MMEL1: variants seen among roughly 807,000 people sequenced by gnomAD.
MMEL1 encodes the protein membrane metallo-endopeptidase-like 1.
Under a neutral mutation model 117.1 loss-of-function variants are expected in MMEL1, and 98 were observed. The observed-to-expected ratio is 0.84, with a 90% CI of 0.71 to 0.99. The LOEUF (loss-of-function observed/expected upper bound fraction) is 0.99, where lower values mean the gene tolerates loss of function less well. Ranked by LOEUF, MMEL1 falls within the 50% of genes least tolerant of loss-of-function variation. MMEL1 has a pLI of 0.00. For synonymous variants in MMEL1, 390 were observed against 415.1 expected (o/e 0.94, Z 0.74); for missense variants, 1,014 against 1,049.1 (o/e 0.97, Z 0.46).
At position 2,604,240 on chromosome 1, in the gene MMEL1, C is replaced by A; in HGVS notation, c.858G>T (p.Thr286=). The A allele has an allele frequency of 6.2e-7, 1 of 1,612,856 alleles. No individual in the cohort carries two copies. Among genetic ancestry groups the A allele is most frequent in the South Asian group, 1.1e-5 (1 of 91,088 alleles). Residue 286 remains threonine, a synonymous_variant, in exon 10 of 24, where the codon ACG becomes ACT. Coordinates refer to ENST00000378412, the MANE Select transcript of MMEL1 (RefSeq NM_033467.4). ...GCAGGTTTGCATCCTCCCGCAGCAACGTGGCCACTGACACCATGAACTGCA... is the reference window on the plus strand; with the variant it reads ...GCAGGTTTGCATCCTCCCGCAGCAAAGTGGCCACTGACACCATGAACTGCA... ...AYLQFMVSVA[T]LLREDANLPR... is the part of the protein sequence containing the mutation.
rs757847101 is a variant in MMEL1 at position 2,595,251 on chromosome 1, T to C, written c.1584+25A>G. ...CCCATGTCCACGGTGTGGGGGGCAG[T>C]TTAGGGCTGGGGTTGGGGGCGCACA... On this transcript the variant is annotated intron_variant, in intron 16 of 23. Transcript: ENST00000378412. The surrounding 1 kb of genome is among the most constrained non-coding windows in gnomAD (Gnocchi z 4.8). 1 of 1,605,188 alleles carries C rather than the reference T, an allele frequency of 6.2e-7. No individual in the cohort carries two copies. Among genetic ancestry groups the C allele is most frequent in the East Asian group, 2.2e-5 (1 of 44,820 alleles).
chr1:2,597,533 C>T (rs1644861966), intron 13 of MMEL1, among the ~76,000 whole-genome samples: 2 of 152,130 alleles, frequency 1.3e-5, no homozygotes, highest in Admixed American at 6.5e-5. Flanking sequence ...CTGCCAGCAC[C>T]ATGGCCAAGC....
intron 23 of MMEL1, 100 bp downstream of exon 23, chr1:2,591,457 T>C: frequency 2.0e-6 from 2 of 976,748 alleles, no homozygotes; most frequent in Non-Finnish European, 3.3e-6. Flanking sequence ...TAAACCTGTC[T>C]CTGTTGAGCC....
intron 13 of MMEL1, among the ~76,000 whole-genome samples, chr1:2,597,679 G>A (rs1644864699): frequency 6.6e-6 from 1 of 152,104 alleles, no homozygotes; most frequent in African/African-American, 2.4e-5. Context: ...CCCAGCCCTG[G>A]AGCAGCCACA....
intron 9 of MMEL1, 59 bp downstream of exon 9, chr1:2,605,499 G>A: frequency 2.0e-6 from 3 of 1,497,096 alleles, no homozygotes; most frequent in Non-Finnish European, 2.8e-6. Context: ...GGGAAGGCCA[G>A]ACCACGGGGT....
intron 6 of MMEL1, among the ~76,000 whole-genome samples, chr1:2,607,783 G>A (rs1645053817): frequency 6.6e-6 from 1 of 152,052 alleles, no homozygotes; most frequent in South Asian, 2.1e-4. Context: ...GGAGGCTGTG[G>A]CGGGCTCACT....
intron 11 of MMEL1, among the ~76,000 whole-genome samples, chr1:2,599,075 C>A (rs1328721433): frequency 6.6e-6 from 1 of 152,216 alleles, no homozygotes; most frequent in African/African-American, 2.4e-5. Context: ...TATGAATAGT[C>A]TTCTAGGTTA....
In MMEL1 at chr1:2,596,078, T is replaced by C. The variant is rs140140908; in HGVS notation, c.1431A>G (p.Thr477=). The change falls in exon 15 of 24, where the codon ACA becomes ACG. Residue 477 remains threonine, a synonymous_variant. Transcript: ENST00000378412. ...GCTCGTCCAGCGTCTCCACAAACAC[T>C]GTCCGCACCTTGTCAATGAGTTCTC... ...MVRELIDKVR[T]VFVETLDELG... is the part of the protein sequence containing the mutation. The C allele has an allele frequency of 6.8e-6, 11 of 1,613,958 alleles. No homozygotes were observed. The highest frequency in any genetic ancestry group is 9.3e-6 in the Non-Finnish European group (11 of 1,179,930).
intron 2 of MMEL1, among the ~76,000 whole-genome samples, chr1:2,620,461 G>A (rs11590198): frequency 0.21 from 31,459 of 152,092 alleles, 3,755 homozygotes; most frequent in East Asian, 0.47. Flanking sequence ...TCTCAAATGC[G>A]TGTGGGATTC....
Position 2,632,873 on chromosome 1 carries a change from C to T in MMEL1, c.-45G>A, listed in dbSNP as rs1638655847. ...TCCTTCAGCACAACTCACCTTTGCT[C>T]ACTCAGGAGTGGCTGCCGCCCACAG... On this transcript the variant is annotated 5_prime_UTR_variant, in exon 1 of 24. Coordinates refer to ENST00000378412, the MANE Select transcript of MMEL1 (RefSeq NM_033467.4). 1.7e-5 allele frequency: 17 copies of T among 985,518 alleles called. No homozygotes were observed. Among genetic ancestry groups the T allele is most frequent in the South Asian group, 1.4e-4 (3 of 21,292 alleles). 61.0% of individuals were successfully genotyped at this position (985,518 alleles called of 1,614,324 possible).
At chr1:2,631,610 TC>T (rs757618129) in intron 1 of MMEL1, among the ~76,000 whole-genome samples, 7 of 152,154 alleles carry the variant, frequency 4.6e-5, no homozygotes, top group Middle Eastern at 6.8e-3. Context: ...GCTCCTCCCT[TC>T]CTGTCCCCTC....
chr1:2,592,150 A>T, intron 21 of MMEL1, 123 bp from the exon 22 acceptor site: 3 of 751,296 alleles, frequency 4.0e-6, no homozygotes, highest in Non-Finnish European at 4.4e-6. Flanking sequence ...TGCTGCTGCA[A>T]GGGCCCTTCA....
At chr1:2,596,767 G>T in intron 13 of MMEL1, 78 bp from the exon 14 acceptor site, 3 of 1,564,376 alleles carry the variant, frequency 1.9e-6, no homozygotes, top group Non-Finnish European at 2.6e-6. Flanking sequence ...GGGCTTACGG[G>T]GTGAGCAGAC....
intron 13 of MMEL1, 94 bp downstream of exon 13, chr1:2,598,113 G>T: frequency 1.7e-6 from 2 of 1,187,542 alleles, no homozygotes; most frequent in South Asian, 2.6e-5. Context: ...TGTGACCCTG[G>T]TGTGGACCTC....
chr1:2,605,189 C>T (rs955133283), intron 9 of MMEL1, among the ~76,000 whole-genome samples: 1 of 152,178 alleles, frequency 6.6e-6, no homozygotes, highest in Non-Finnish European at 1.5e-5. Context: ...CTTGACAGCC[C>T]CTTGAGATGG....
intron 21 of MMEL1, 92 bp from the exon 22 acceptor site, chr1:2,592,119 G>A (rs1156338747): frequency 2.8e-6 from 3 of 1,067,310 alleles, no homozygotes; most frequent in Non-Finnish European, 4.2e-6. Context: ...CTGGCTCCAG[G>A]ACCTACCCCT....
Position 2,595,961 on chromosome 1 carries a change from C to G in MMEL1, c.1500+48G>C, listed in dbSNP as rs773798620. On this transcript the variant is annotated intron_variant, in intron 15 of 23. Coordinates refer to ENST00000378412, the MANE Select transcript of MMEL1 (RefSeq NM_033467.4). This position sits in a 1 kb window ranked among gnomAD's most constrained non-coding sequence, Gnocchi z 4.8. ...GAGGCTTTGTCGGGGCGGTGCTGCC[C>G]GTGCCCAGATCCAGTCGGGGCTGCC... is the stretch of plus-strand genomic sequence containing the variant. 2.9e-5 allele frequency: 44 copies of G among 1,522,396 alleles called. No individual in the cohort carries two copies. The highest frequency in any genetic ancestry group is 1.7e-4 in the Middle Eastern group (1 of 5,892). 94.3% of individuals were successfully genotyped at this position (1,522,396 alleles called of 1,614,324 possible). A position where few individuals can be genotyped will look rare whatever the true frequency, so the allele number is the denominator to read the frequency against.
chr1:2,603,854 G>A lies in MMEL1; in HGVS notation c.1041+30C>T, dbSNP rs375441088. 7 of 1,606,852 alleles carry A rather than the reference G, an allele frequency of 4.4e-6. No homozygotes were observed. In the African/African-American group the frequency reaches 6.7e-5, roughly 15 times the overall value. ...TCCCCCACGAGTCTCCACCCGGCCA[G>A]TGCCGGCCTCCTGTGTGGTGTGGCC... is the stretch of plus-strand genomic sequence containing the variant. On this transcript the variant is annotated intron_variant, in intron 11 of 23. Transcript: ENST00000378412.
At position 2,591,653 on chromosome 1, in the gene MMEL1, G is replaced by T; in HGVS notation, c.2164-20C>A. 1 of 1,604,850 alleles carries T rather than the reference G, an allele frequency of 6.2e-7. No individual in the cohort carries two copies. The highest frequency in any genetic ancestry group is 1.1e-5 in the South Asian group (1 of 90,910). On this transcript the variant is annotated intron_variant, in intron 22 of 23. Coordinates refer to ENST00000378412, the MANE Select transcript of MMEL1 (RefSeq NM_033467.4). The stretch of plus-strand genomic sequence containing the variant: ...CCACACCTGTGGGCATGTTGGGGGC[G>T]TGGCTACAGGTGGCGTGGTGGGGTG...
Sources: gnomAD v4.1 joint callset for allele counts (sites outside exome capture counted in the v4.1 genomes callset) on GRCh38, gnomAD v4.1.1 for gene constraint, Gnocchi (gnomAD v3.1) non-coding constraint, MANE v1.5 for transcripts, NCBI Gene and HGNC (gene_info 2026-07-23, HGNC 2026-07-21) for gene names.